Variants in PCYT1B observed in about 807,000 individuals in gnomAD.
PCYT1B encodes choline-phosphate cytidylyltransferase B.
PCYT1B carries 10 observed loss-of-function variants against 26.4 expected under a neutral mutation model. That is an observed-to-expected ratio of 0.38 (90% CI 0.23 to 0.64). PCYT1B has a LOEUF of 0.64. PCYT1B is among the 30% of genes least tolerant of loss of function. The probability of loss-of-function intolerance (pLI) is 0.56; values close to 1 mark genes in which losing one functional copy is unlikely to be tolerated. For synonymous variants in PCYT1B, 131 were observed against 108.4 expected, an observed-to-expected ratio of 1.21 and a Z score of -1.29; for missense variants, 161 against 292.7, an observed-to-expected ratio of 0.55 and a Z score of 3.28.
intron 2 of PCYT1B, among the ~76,000 whole-genome samples, chrX:24,618,293 T>C (rs1008157584): frequency 8.9e-6 from 1 of 112,415 alleles, no homozygotes; most frequent in African/African-American, 3.2e-5. Context: ...TAGGTTTGTA[T>C]ATGCCTTCAT....
chrX:24,634,755 A>AAACAAAC (rs1569253711), intron 1 of PCYT1B, among the ~76,000 whole-genome samples: 8 of 107,810 alleles, frequency 7.4e-5, no homozygotes, highest in Non-Finnish European at 1.9e-5. Flanking sequence ...AAAAACAAAC[A>AAACAAAC]AACAACAACA....
Position 24,561,899 on chromosome X carries a change from C to A in PCYT1B, c.*394G>T. The A allele has an allele frequency of 2.2e-6, 1 of 447,694 alleles. No individual in the cohort carries two copies. Among genetic ancestry groups the A allele is most frequent in the Non-Finnish European group, 3.9e-6 (1 of 255,477 alleles). 36.9% of individuals were successfully genotyped at this position (447,694 alleles called of 1,213,427 possible). ...GGTGGTGGGAGGCAACGTGCAGGAC[C>A]CTTATGGACGCAGAAGTAGCAGGTT... is the stretch of plus-strand genomic sequence containing the variant. On this transcript the variant is annotated 3_prime_UTR_variant, in exon 8 of 8. Coordinates refer to ENST00000379144, the MANE Select transcript of PCYT1B (RefSeq NM_004845.5).
chrX:24,572,154 A>G (rs896848731), intron 7 of PCYT1B, among the ~76,000 whole-genome samples: 2 of 111,099 alleles, frequency 1.8e-5, no homozygotes, highest in Non-Finnish European at 1.9e-5. Context: ...AATTTGATCC[A>G]CCAAACACCA....
chrX:24,604,613 A>T (rs1317071971), intron 3 of PCYT1B, among the ~76,000 whole-genome samples: 1 of 110,942 alleles, frequency 9.0e-6, no homozygotes, highest in Non-Finnish European at 1.9e-5. Flanking sequence ...AGCTATGCAG[A>T]GGTACGATCA....
intron 3 of PCYT1B, among the ~76,000 whole-genome samples, chrX:24,595,746 T>C (rs890118234): frequency 9.1e-6 from 1 of 110,248 alleles, no homozygotes; most frequent in Non-Finnish European, 1.9e-5. Flanking sequence ...CGGGCGTTAG[T>C]GGTGCACGCC....
intron 2 of PCYT1B, among the ~76,000 whole-genome samples, chrX:24,618,437 C>T (rs771480801): frequency 2.7e-5 from 3 of 111,508 alleles, no homozygotes; most frequent in Non-Finnish European, 5.6e-5. Flanking sequence ...GTAGAACTAA[C>T]AAGTGACAAA....
Position 24,589,273 on chromosome X carries a change from G to T in PCYT1B, c.486+750C>A, listed in dbSNP as rs771240105. Among the ~76,000 whole-genome samples, 4 of 111,723 alleles carry T rather than the reference G, an allele frequency of 3.6e-5. No individual in the cohort carries two copies. The East Asian group carries it at 1.1e-3, about 31-fold the overall frequency. On this transcript the variant is annotated intron_variant, in intron 4 of 7. Coordinates refer to ENST00000379144, the MANE Select transcript of PCYT1B (RefSeq NM_004845.5). ...GTTCTCTATTCTCTTCTGCATCGTG[G>T]CTTTAAAAATAGAAAAGAAAATTCT...
chrX:24,665,530 A>T (rs1042490809), intron 1 of PCYT1B, among the ~76,000 whole-genome samples: 38 of 110,867 alleles, frequency 3.4e-4, no homozygotes, highest in Non-Finnish European at 6.2e-4. Flanking sequence ...ACTGCAGGTG[A>T]TCCACCTGCC....
At chrX:24,592,513 T>C (rs1924602034) in intron 3 of PCYT1B, among the ~76,000 whole-genome samples, 1 of 111,039 alleles carries the variant, frequency 9.0e-6, no homozygotes, top group Non-Finnish European at 1.9e-5. Context: ...ACTGCTCCCA[T>C]CCCCACCCCT....
chrX:24,615,611 T>C (rs1353396972), intron 2 of PCYT1B, among the ~76,000 whole-genome samples: 1 of 110,459 alleles, frequency 9.1e-6, no homozygotes, highest in Admixed American at 9.7e-5. Context: ...ACTACAGACA[T>C]GCACCACCAC....
intron 1 of PCYT1B, among the ~76,000 whole-genome samples, chrX:24,628,763 A>G (rs1365461961): frequency 3.6e-5 from 4 of 111,951 alleles, no homozygotes; most frequent in Non-Finnish European, 3.8e-5. Flanking sequence ...AAAGAACCGT[A>G]ATTTAAATAC....
chrX:24,590,288 G>T, intron 3 of PCYT1B, 114 bp from the exon 4 acceptor site: 1 of 599,755 alleles, frequency 1.7e-6, no homozygotes, highest in Non-Finnish European at 2.5e-6. Flanking sequence ...CTCGCTAGGT[G>T]CTTGTCATAA....
intron 5 of PCYT1B, among the ~76,000 whole-genome samples, chrX:24,581,897 C>T (rs888305316): frequency 1.8e-5 from 2 of 112,722 alleles, no homozygotes; most frequent in Non-Finnish European, 3.7e-5. Flanking sequence ...AGCAGAGTGG[C>T]ACTGCTGATG....
intron 1 of PCYT1B, among the ~76,000 whole-genome samples, chrX:24,638,302 T>C (rs61760938): frequency 2.6e-3 from 293 of 111,804 alleles, no homozygotes; most frequent in South Asian, 8.3e-3. Context: ...CTACCAGGGC[T>C]CACTGCTTTA....
intron 2 of PCYT1B, among the ~76,000 whole-genome samples, chrX:24,608,152 C>T (rs1001958955): frequency 3.9e-5 from 4 of 103,798 alleles, no homozygotes; most frequent in African/African-American, 1.3e-4. Context: ...GTGCCTGAGC[C>T]GGCAGAGTCA....
intron 1 of PCYT1B, among the ~76,000 whole-genome samples, chrX:24,623,395 A>ATG (rs1925766373): frequency 1.3e-5 from 1 of 75,696 alleles, no homozygotes; most frequent in Non-Finnish European, 2.6e-5. Context: ...ATATATATAT[A>ATG]TATAACTTTA....
intron 1 of PCYT1B, among the ~76,000 whole-genome samples, chrX:24,654,768 A>G (rs950892582): frequency 2.3e-4 from 25 of 106,841 alleles, no homozygotes; most frequent in Non-Finnish European, 4.0e-4. Flanking sequence ...AAAAAAAAAA[A>G]AAAAGAAATG....
intron 7 of PCYT1B, among the ~76,000 whole-genome samples, chrX:24,563,295 CA>C (rs1315935603): frequency 1.8e-5 from 2 of 111,859 alleles, no homozygotes; most frequent in Non-Finnish European, 3.8e-5. Context: ...GCTGCGATTG[CA>C]AACAGGGTGC....
rs760506609 is a variant in PCYT1B, at chrX:24,638,350, T to G, written c.117+8639A>C. 1.4e-4 allele frequency among the ~76,000 whole-genome samples: 16 copies of G among 111,935 alleles called. 1 individual carries two copies. The East Asian group carries it at 2.5e-3, about 18-fold the overall frequency. ...TGTGTTTTCAAGTCTGCCTTCAAGA[T>G]TGTTGAGTGCTAAACTGTCTCTTTA... On this transcript the variant is annotated intron_variant, in intron 1 of 7. Transcript: ENST00000379144.
Sources: allele counts gnomAD v4.1 joint callset (sites outside exome capture counted in the v4.1 genomes callset), GRCh38; gene constraint gnomAD v4.1.1; transcripts MANE v1.5; gene names NCBI Gene and HGNC (gene_info 2026-07-23, HGNC 2026-07-21).